The following ATRNL1 variants were observed in gnomAD, a reference collection of about 807,000 sequenced individuals.
The protein encoded by ATRNL1 is attractin like 1.
ATRNL1 carries 95 observed loss-of-function variants against 182.7 expected under a neutral mutation model. That is an observed-to-expected ratio of 0.52 (90% confidence interval 0.44 to 0.62). The LOEUF (loss-of-function observed/expected upper bound fraction) is 0.62. ATRNL1 is among the 20% of genes least tolerant of loss of function. ATRNL1 has a pLI of 0.00. For missense variants in ATRNL1, 1,471 were observed against 1,679.5 expected (o/e 0.88, Z 2.17); for synonymous variants, 576 against 568.3 (o/e 1.01, Z -0.19).
chr10:115,298,062 GA>G (rs1238179208), intron 15 of ATRNL1, among the ~76,000 whole-genome samples: 2 of 152,132 alleles, frequency 1.3e-5, no homozygotes, highest in Non-Finnish European at 2.9e-5. Flanking sequence ...TGGTTTATCA[GA>G]AAGCTGAACT....
At chr10:115,739,386 T>G (rs1948073819) in intron 27 of ATRNL1, among the ~76,000 whole-genome samples, 1 of 152,326 alleles carries the variant, frequency 6.6e-6, no homozygotes, top group East Asian at 1.9e-4. Flanking sequence ...TAACAATGCT[T>G]GGGAACAGTG....
chr10:115,248,410 A>G (rs899058931), intron 10 of ATRNL1, among the ~76,000 whole-genome samples: 1 of 152,194 alleles, frequency 6.6e-6, no homozygotes, highest in Non-Finnish European at 1.5e-5. Context: ...TTAAAATAAA[A>G]TATTAACACA....
intron 27 of ATRNL1, among the ~76,000 whole-genome samples, chr10:115,807,306 G>A (rs1333870039): frequency 6.6e-6 from 1 of 152,002 alleles, no homozygotes; most frequent in Non-Finnish European, 1.5e-5. Flanking sequence ...AGCAGAGACG[G>A]ATCTTCATCA....
intron 19 of ATRNL1, among the ~76,000 whole-genome samples, chr10:115,362,891 G>T (rs1856819350): frequency 6.6e-6 from 1 of 151,490 alleles, no homozygotes; most frequent in African/African-American, 2.4e-5. Flanking sequence ...TGGTGTATAT[G>T]TGCCACATTT....
chr10:115,326,506 G>A (rs576921802), intron 18 of ATRNL1, among the ~76,000 whole-genome samples: 1 of 152,146 alleles, frequency 6.6e-6, no homozygotes, highest in African/African-American at 2.4e-5. Flanking sequence ...TGGCCATACT[G>A]CCCAAGGTAA....
intron 22 of ATRNL1, among the ~76,000 whole-genome samples, chr10:115,462,950 C>T (rs1344822010): frequency 6.6e-6 from 1 of 151,772 alleles, no homozygotes. Context: ...GAAATATCAA[C>T]CATAGGGTTT....
chr10:115,139,131 G>A (rs1032214863), intron 5 of ATRNL1, among the ~76,000 whole-genome samples: 3 of 152,130 alleles, frequency 2.0e-5, no homozygotes, highest in Non-Finnish European at 4.4e-5. Context: ...GACCACCTCA[G>A]CCTGGATTTC....
rs555537046 is a variant in ATRNL1 at position 115,945,378 on chromosome 10, T to A, written c.*599T>A. ...CGCCTAACTAGAATGCAGACCAGAATGAGTTCAACTCATTCTGTGCAACTT... is the reference window on the plus strand; with the variant it reads ...CGCCTAACTAGAATGCAGACCAGAAAGAGTTCAACTCATTCTGTGCAACTT... On this transcript the variant is annotated 3_prime_UTR_variant, in exon 29 of 29. Coordinates refer to ENST00000355044, the MANE Select transcript of ATRNL1 (RefSeq NM_207303.4). 6 of 152,324 alleles carry A rather than the reference T, an allele frequency of 3.9e-5. No homozygotes were observed. In the South Asian group the frequency reaches 1.2e-3, roughly 32 times the overall value. 9.4% of individuals were successfully genotyped at this position (152,324 alleles called of 1,614,324 possible).
chr10:115,531,284 C>A (rs1554988172), intron 25 of ATRNL1, among the ~76,000 whole-genome samples: 1 of 152,052 alleles, frequency 6.6e-6, no homozygotes, highest in Non-Finnish European at 1.5e-5. Flanking sequence ...TCCTCTCCAG[C>A]ACCCGTTGTT....
chr10:115,276,152 TC>T (rs1211244309), intron 13 of ATRNL1, among the ~76,000 whole-genome samples: 1 of 152,090 alleles, frequency 6.6e-6, no homozygotes, highest in Non-Finnish European at 1.5e-5. Flanking sequence ...CACTGCTTCC[TC>T]CCCTGGTAGA....
chr10:115,149,168 G>A (rs1261441779), intron 5 of ATRNL1, among the ~76,000 whole-genome samples: 3 of 151,998 alleles, frequency 2.0e-5, no homozygotes, highest in Admixed American at 6.6e-5. Flanking sequence ...CTTTTATTAC[G>A]CAGATGGGGT....
rs1554955100 is a variant in ATRNL1, at chr10:115,394,673, G to A, written c.3190G>A (p.Gly1064Ser). ...TTGACTTACAGCTTGTACATGCAGT[G>A]GCCATGCAAATATCTGTCATCTGCA... ...GGQCTACTCS[G>S]HANICHLHTG... is the part of the protein sequence containing the mutation. The change falls in exon 20 of 29, where the codon GGC becomes AGC. Residue 1064 changes from glycine to serine, a missense_variant. This residue lies in a region of ATRNL1 where 437 missense variants were observed against 506.0 expected (regional missense o/e 0.86). Coordinates refer to ENST00000355044, the MANE Select transcript of ATRNL1 (RefSeq NM_207303.4). The A allele has an allele frequency of 6.2e-7, 1 of 1,611,566 alleles. No individual in the cohort carries two copies. Among genetic ancestry groups the A allele is most frequent in the Admixed American group, 1.7e-5 (1 of 59,812 alleles).
At chr10:115,544,041 A>G (rs1423130276) in intron 25 of ATRNL1, among the ~76,000 whole-genome samples, 3 of 152,146 alleles carry the variant, frequency 2.0e-5, no homozygotes, top group Admixed American at 6.5e-5. Flanking sequence ...CCCCATCAAT[A>G]TCTATATCAT....
intron 26 of ATRNL1, among the ~76,000 whole-genome samples, chr10:115,619,442 G>A (rs1007761374): frequency 1.3e-5 from 2 of 152,128 alleles, no homozygotes; most frequent in East Asian, 3.9e-4. Flanking sequence ...TCAGGCCCCT[G>A]GCGAGTACAC....
intron 24 of ATRNL1, among the ~76,000 whole-genome samples, chr10:115,513,929 A>T (rs1214850959): frequency 6.6e-6 from 1 of 151,924 alleles, no homozygotes; most frequent in African/African-American, 2.4e-5. Flanking sequence ...CTGAGTCTAC[A>T]TTTACTCTTG....
At chr10:115,244,682 A>AT (rs368850701) in intron 10 of ATRNL1, among the ~76,000 whole-genome samples, 15 of 151,562 alleles carry the variant, frequency 9.9e-5, no homozygotes, top group Admixed American at 2.6e-4. Flanking sequence ...CAAAAACTTA[A>AT]TTTTTTTTTG....
At chr10:115,295,291 C>T (rs781949399) in intron 15 of ATRNL1, among the ~76,000 whole-genome samples, 3 of 152,070 alleles carry the variant, frequency 2.0e-5, no homozygotes, top group African/African-American at 7.2e-5. Flanking sequence ...CATTGCTGCT[C>T]GGCTGGCTTG....
chr10:115,915,363 AC>A (rs1207426519), intron 28 of ATRNL1, among the ~76,000 whole-genome samples: 2 of 151,754 alleles, frequency 1.3e-5, no homozygotes, highest in Admixed American at 1.3e-4. Flanking sequence ...GCGCCACTGC[AC>A]TCCAGCCTAG....
chr10:115,438,640 G>T (rs782397913), intron 21 of ATRNL1, among the ~76,000 whole-genome samples: 1 of 151,672 alleles, frequency 6.6e-6, no homozygotes, highest in Non-Finnish European at 1.5e-5. Context: ...ATTTGTTCTT[G>T]TAGTAAATAG....
Sources: gnomAD v4.1 joint callset for allele counts (sites outside exome capture counted in the v4.1 genomes callset) on GRCh38, gnomAD v4.1.1 for gene constraint, gnomAD v4.1.1 regional missense constraint, MANE v1.5 for transcripts, NCBI Gene and HGNC (gene_info 2026-07-23, HGNC 2026-07-21) for gene names.